The following LIPA variants were observed in gnomAD, a reference collection of about 807,000 sequenced individuals.
LIPA encodes the protein lipase A, lysosomal acid type.
In LIPA, 26 loss-of-function variants were observed where a neutral mutation model predicts 40.6. The observed-to-expected ratio is 0.64, with a 90% confidence interval of 0.47 to 0.89. The LOEUF is 0.89. Among genes scored for constraint, LIPA ranks in the 40% least tolerant of loss-of-function variants. The pLI is 0.00. For synonymous variants in LIPA, 188 were observed against 168.4 expected, an observed-to-expected ratio of 1.12 and a Z score of -0.90; for missense variants, 455 against 479.6, an observed-to-expected ratio of 0.95 and a Z score of 0.48.
At chr10:89,342,880 A>G (rs1272478326), upstream of LIPA, among the ~76,000 whole-genome samples, 1 of 152,246 alleles carries the variant, frequency 6.6e-6, no homozygotes, top group East Asian at 1.9e-4. Flanking sequence ...GTCATATGAC[A>G]AAGCATTATG....
At chr10:89,355,562 T>C (rs1276360841) in intron 2 of LIPA, among the ~76,000 whole-genome samples, 1 of 152,198 alleles carries the variant, frequency 6.6e-6, no homozygotes, top group Non-Finnish European at 1.5e-5. Context: ...CCATCTTGAA[T>C]AGGGGCTGGG....
rs1842598228 is a variant in LIPA at position 89,214,755 on chromosome 10, T to C, written c.*73A>G. Reference sequence around the variant, plus strand: ...ACCTGGGAAAGAAAAACAAGTGTTTTACAGAAATGAAGCAAACACATTTTC... The same window carrying C: ...ACCTGGGAAAGAAAAACAAGTGTTTCACAGAAATGAAGCAAACACATTTTC... On this transcript the variant is annotated 3_prime_UTR_variant, in exon 10 of 10. Transcript: ENST00000336233. 7 of 958,124 alleles carry C rather than the reference T, an allele frequency of 7.3e-6. No individual in the cohort carries two copies. In the South Asian group the frequency reaches 8.4e-5, roughly 12 times the overall value. 59.4% of individuals were successfully genotyped at this position (958,124 alleles called of 1,614,324 possible).
In LIPA at chr10:89,215,924, A is replaced by G. The variant is rs770836304; in HGVS notation, c.966+14T>C. The G allele has an allele frequency of 6.4e-7, 1 of 1,571,562 alleles. No homozygotes were observed. The highest frequency in any genetic ancestry group is 1.1e-5 in the South Asian group (1 of 90,194). ...TTTCAGGGCCCCCTTTAATGAAAAG[A>G]CTAAAAACTTTACCTGGTTGTAATG... On this transcript the variant is annotated intron_variant, in intron 9 of 9. Transcript: ENST00000336233.
At position 89,222,098 on chromosome 10, in the gene LIPA, G is replaced by A. The variant is rs543513946; in HGVS notation, c.894+413C>T. Reference sequence around the variant, plus strand: ...GATCAGGGGTTAGTGTTGAAACAGCGGTTTCTATCTCCAAAACGGACTTAA... The same window carrying A: ...GATCAGGGGTTAGTGTTGAAACAGCAGTTTCTATCTCCAAAACGGACTTAA... On this transcript the variant is annotated intron_variant, in intron 8 of 9. Coordinates refer to ENST00000336233, the MANE Select transcript of LIPA (RefSeq NM_000235.4). 3.8e-4 allele frequency among the ~76,000 whole-genome samples: 58 copies of A among 152,150 alleles called. No individual in the cohort carries two copies. In the South Asian group the frequency reaches 6.4e-3, roughly 17 times the overall value.
At chr10:89,374,486 C>A (rs1348746823) in intron 2 of LIPA, among the ~76,000 whole-genome samples, 1 of 152,188 alleles carries the variant, frequency 6.6e-6, no homozygotes, top group East Asian at 1.9e-4. Context: ...CCTCACAGAA[C>A]CAGGACTGCT....
At chr10:89,384,205 C>T (rs776167043) in intron 2 of LIPA, 2 of 1,614,116 alleles carry the variant, frequency 1.2e-6, no homozygotes, top group Middle Eastern at 1.6e-4. Context: ...CTACAGGGCA[C>T]AAATGATCCA....
chr10:89,215,198 A>G (rs1413412571), intron 9 of LIPA, 137 bp from the exon 10 acceptor site: 5 of 728,918 alleles, frequency 6.9e-6, no homozygotes, highest in African/African-American at 1.8e-5. Context: ...CTCTTTGAGT[A>G]TCTTTTCAAG....
intron 2 of LIPA, among the ~76,000 whole-genome samples, chr10:89,391,381 T>A (rs1844249456): frequency 6.6e-6 from 1 of 151,496 alleles, no homozygotes; most frequent in Non-Finnish European, 1.5e-5. Context: ...ACCCAGCTTT[T>A]TTTTTCAGTT....
intron 2 of LIPA, among the ~76,000 whole-genome samples, chr10:89,370,047 A>G (rs1243170221): frequency 6.6e-6 from 1 of 151,954 alleles, no homozygotes; most frequent in Admixed American, 6.6e-5. Context: ...GCAGGCTTTT[A>G]TGTAGAGCTG....
At chr10:89,298,717 G>A (rs1843429189) in intron 1 of LIPA, among the ~76,000 whole-genome samples, 1 of 152,154 alleles carries the variant, frequency 6.6e-6, no homozygotes, top group Non-Finnish European at 1.5e-5. Context: ...TAAGCACAGT[G>A]CCTCACACCT....
intron 4 of LIPA, among the ~76,000 whole-genome samples, 197 bp from the exon 5 acceptor site, chr10:89,227,201 T>C (rs576696638): frequency 3.9e-5 from 6 of 152,354 alleles, no homozygotes; most frequent in East Asian, 1.9e-4. Context: ...AAAGTAACTA[T>C]TGTCCTCATT....
At chr10:89,312,784 G>A (rs1843523183) in intron 1 of LIPA, among the ~76,000 whole-genome samples, 3 of 151,574 alleles carry the variant, frequency 2.0e-5, no homozygotes, top group Admixed American at 1.3e-4. Flanking sequence ...TCTCCAGGCT[G>A]GGTGACACAG....
chr10:89,413,558 G>C (rs1362001313), intron 1 of LIPA, among the ~76,000 whole-genome samples: 1 of 152,116 alleles, frequency 6.6e-6, no homozygotes, highest in Non-Finnish European at 1.5e-5. Flanking sequence ...TTTGTGCCCA[G>C]GTGTTGGAGA....
chr10:89,283,589 TC>T lies in LIPA; in HGVS notation c.-1-35941del, dbSNP rs1843326807. The T allele has an allele frequency of 2.0e-5, 3 of 152,182 alleles. No individual in the cohort carries two copies. The South Asian group carries it at 6.2e-4, about 32-fold the overall frequency. The allele number at this position is 152,182 out of a possible 1,614,324, so 9.4% of individuals were successfully genotyped here. On this transcript the variant is annotated intron_variant, in intron 1 of 5. Coordinates refer to the LIPA transcript ENST00000282673. ...AGTAAATTTTCATCTACCTTGAACTTCCTTACACACTATTCCCCCTAAACGT... is the reference window on the plus strand; with the variant it reads ...AGTAAATTTTCATCTACCTTGAACTTCTTACACACTATTCCCCCTAAACGT...
At chr10:89,407,114 G>C (rs1311690242) in intron 2 of LIPA, among the ~76,000 whole-genome samples, 1 of 152,150 alleles carries the variant, frequency 6.6e-6, no homozygotes, top group Non-Finnish European at 1.5e-5. Context: ...TGTACTTCCA[G>C]GCTGAACCAA....
In LIPA at chr10:89,392,291, T is replaced by G. The variant is rs571422493; in HGVS notation, c.61+20500A>C. Among the ~76,000 whole-genome samples the G allele has an allele frequency of 7.9e-5, 12 of 152,308 alleles. 1 individual carries two copies. In the South Asian group the frequency reaches 2.5e-3, roughly 32 times the overall value. On this transcript the variant is annotated intron_variant, in intron 2 of 8. Transcript: ENST00000371837. ...CTTCAATTCTCCTTTTTCTGTGTAT[T>G]CATCCAGAATCCAGCCACCAACTGC...
At chr10:89,363,593 CG>C (rs1415034474) in intron 2 of LIPA, 1 of 152,164 alleles carries the variant, frequency 6.6e-6, no homozygotes, top group Admixed American at 6.5e-5. Context: ...CTGGCTAACA[CG>C]GTGAAACCCT....
chr10:89,402,235 T>C (rs1158848914), intron 2 of LIPA: 2 of 1,262,790 alleles, frequency 1.6e-6, no homozygotes, highest in Non-Finnish European at 2.2e-6. Flanking sequence ...TTTTTTCTTT[T>C]AGCTGTTCCT....
chr10:89,273,667 T>A (rs1843276762), intron 1 of LIPA, among the ~76,000 whole-genome samples: 1 of 152,096 alleles, frequency 6.6e-6, no homozygotes, highest in South Asian at 2.1e-4. Context: ...TAGTCAAAGG[T>A]TTTAGCCGAT....
Sources: gnomAD v4.1 joint callset for allele counts (sites outside exome capture counted in the v4.1 genomes callset) on GRCh38, gnomAD v4.1.1 for gene constraint, MANE v1.5 for transcripts, NCBI Gene and HGNC (gene_info 2026-07-23, HGNC 2026-07-21) for gene names.